The following TMPRSS11A variants were observed in gnomAD, a reference collection of about 807,000 sequenced individuals.
The protein encoded by TMPRSS11A is transmembrane serine protease 11A, also known as transmembrane protease serine 11A.
TMPRSS11A carries 53 observed loss-of-function variants against 58.9 expected under a neutral mutation model. The observed-to-expected ratio is 0.90, with a 90% CI of 0.72 to 1.13. The LOEUF is 1.13. Among genes scored for constraint, TMPRSS11A ranks in the 50% most tolerant of loss-of-function variants. TMPRSS11A has a pLI of 0.00. For missense variants in TMPRSS11A, 493 were observed against 499.3 expected (o/e 0.99, Z 0.12); for synonymous variants, 167 against 169.8 (o/e 0.98, Z 0.13).
intron 1 of TMPRSS11A, among the ~76,000 whole-genome samples, chr4:67,959,948 T>C (rs1380247397): frequency 1.3e-5 from 2 of 152,200 alleles, no homozygotes; most frequent in African/African-American, 4.8e-5. Flanking sequence ...TTCAGTTTTT[T>C]AAAATGTGTT....
In TMPRSS11A at chr4:67,914,699, T is replaced by C; in HGVS notation, c.984A>G (p.Arg328=). ...GESQNDLREA[R]VKIISDDVCK... is the part of the protein sequence containing the mutation. ...AGACATCATCACTTATGATTTTCAC[T>C]CTGGCTTCTCGGAGATCATTTTGGG... Residue 328 remains arginine (R), a synonymous_variant, in exon 9 of 10, where the codon AGA becomes AGG. Transcript: ENST00000508048. 6.2e-7 allele frequency: 1 copy of C among 1,613,088 alleles called. No individual in the cohort carries two copies. The highest frequency in any genetic ancestry group is 1.1e-5 in the South Asian group (1 of 90,868).
chr4:67,931,928 T>G (rs764156917), intron 4 of TMPRSS11A, 65 bp downstream of exon 4: 22 of 947,488 alleles, frequency 2.3e-5, no homozygotes, highest in Non-Finnish European at 3.8e-5. Context: ...TACATGAGAG[T>G]CCCTGTCTCC....
chr4:67,941,990 A>G (rs1289793790), intron 3 of TMPRSS11A, among the ~76,000 whole-genome samples: 1 of 152,246 alleles, frequency 6.6e-6, no homozygotes, highest in Non-Finnish European at 1.5e-5. Context: ...CAATATCCAG[A>G]AAATGTAAAG....
intron 9 of TMPRSS11A, 62 bp downstream of exon 9, chr4:67,914,526 A>T: frequency 6.7e-7 from 1 of 1,488,396 alleles, no homozygotes; most frequent in Non-Finnish European, 9.3e-7. Context: ...AGAACATATA[A>T]TATATTCTGA....
Position 67,946,551 on chromosome 4 carries a change from C to T in TMPRSS11A, c.32G>A (p.Arg11Gln), listed in dbSNP as rs1037515820. 4.0e-5 allele frequency: 64 copies of T among 1,610,990 alleles called. No individual in the cohort carries two copies. Among genetic ancestry groups the T allele is most frequent in the Non-Finnish European group, 5.0e-5 (59 of 1,178,650 alleles). The change falls in exon 2 of 10, where the codon CGA (arginine) becomes CAA (glutamine). Residue 11 changes from arginine (R) to glutamine (Q), a missense_variant. By Grantham distance (43) the Arg-to-Gln change is conservative. Coordinates refer to ENST00000508048, the MANE Select transcript of TMPRSS11A (RefSeq NM_001114387.2). ...CATCCATGGCTTCAGATTTCTGCTT[C>T]GGGTGCCAAATCCCACTGTCCTGAG... MMYRTVGFGT[R>Q]SRNLKPWMIA...
At chr4:67,931,496 A>G (rs1035327060) in intron 4 of TMPRSS11A, among the ~76,000 whole-genome samples, 7 of 152,328 alleles carry the variant, frequency 4.6e-5, no homozygotes, top group African/African-American at 1.4e-4. Flanking sequence ...CCACCATGAC[A>G]GAAAGAAAAT....
chr4:67,957,933 C>A (rs1437277775), intron 1 of TMPRSS11A, among the ~76,000 whole-genome samples: 3 of 152,064 alleles, frequency 2.0e-5, no homozygotes, highest in African/African-American at 7.2e-5. Context: ...CTAAAAGAGG[C>A]CAAGCTACAG....
chr4:67,918,657 A>C (rs1049830681), intron 8 of TMPRSS11A, among the ~76,000 whole-genome samples: 8 of 152,232 alleles, frequency 5.3e-5, no homozygotes, highest in African/African-American at 1.9e-4. Flanking sequence ...GACAATATAG[A>C]GAAAAGAAGG....
intron 1 of TMPRSS11A, among the ~76,000 whole-genome samples, chr4:67,948,948 G>A (rs997322187): frequency 6.6e-6 from 1 of 151,564 alleles, no homozygotes. Context: ...TGCCCCTCTC[G>A]ATTGATTTCG....
chr4:67,919,871 T>G (rs1421485223), intron 7 of TMPRSS11A, among the ~76,000 whole-genome samples: 1 of 152,028 alleles, frequency 6.6e-6, no homozygotes, highest in Non-Finnish European at 1.5e-5. Context: ...GGGGTGAGCT[T>G]GGAGAGGTAA....
chr4:67,943,297 TGC>T (rs1358597172), intron 3 of TMPRSS11A, among the ~76,000 whole-genome samples: 2 of 152,210 alleles, frequency 1.3e-5, no homozygotes, highest in Admixed American at 1.3e-4. Context: ...AAGACAGAAT[TGC>T]TTAGTTAACT....
intron 7 of TMPRSS11A, among the ~76,000 whole-genome samples, chr4:67,920,549 A>ATATTT (rs371252656): frequency 0.019 from 2,483 of 130,788 alleles, 48 homozygotes; most frequent in East Asian, 0.065. Context: ...ATATATATAT[A>ATATTT]TTTTTTTTTA....
In TMPRSS11A at chr4:67,961,483, C is replaced by CTTTTTTTTTTT. The variant is rs1553924063; in HGVS notation, c.11+1889_11+1899dup. On this transcript the variant is annotated intron_variant, in intron 1 of 9. Coordinates refer to ENST00000508048, the MANE Select transcript of TMPRSS11A (RefSeq NM_001114387.2). ...TTTTCTTTCCTTTCCTTTTCTTTTC[C>CTTTTTTTTTTT]TTTTTTTTTTTTTTTTTTTTTTTTT... Among the ~76,000 whole-genome samples the CTTTTTTTTTTT allele has an allele frequency of 2.8e-4, 2 of 7,162 alleles. 1 individual carries two copies. The allele number at this position is 7,162 out of a possible 152,430, so 4.7% of individuals were successfully genotyped here.
chr4:67,934,773 T>G (rs1296069067), intron 3 of TMPRSS11A, among the ~76,000 whole-genome samples: 1 of 152,154 alleles, frequency 6.6e-6, no homozygotes, highest in East Asian at 1.9e-4. Context: ...CCATTCAGCT[T>G]TCATTCCTGA....
Position 67,922,758 on chromosome 4 carries a change from T to C in TMPRSS11A, c.689A>G (p.Gln230Arg), listed in dbSNP as rs773977296. Residue 230 changes from glutamine (Q) to arginine (R), a missense_variant, in exon 7 of 10, where the codon CAG (glutamine) becomes CGG (arginine). Coordinates refer to ENST00000508048, the MANE Select transcript of TMPRSS11A (RefSeq NM_001114387.2). Reference sequence around the variant, plus strand: ...TAACTTAAGGTCAATAACTTACTTCTGGAAGCAGTGTGCTGCAGTGACAAG... The same window carrying C: ...TAACTTAAGGTCAATAACTTACTTCCGGAAGCAGTGTGCTGCAGTGACAAG... ...TWLVTAAHCF[Q>R]KYKNPHQWTV... 6.2e-7 allele frequency: 1 copy of C among 1,613,612 alleles called. No homozygotes were observed. The highest frequency in any genetic ancestry group is 1.7e-5 in the Admixed American group (1 of 60,002).
intron 1 of TMPRSS11A, among the ~76,000 whole-genome samples, chr4:67,948,459 T>TA (rs1721082115): frequency 6.6e-6 from 1 of 152,180 alleles, no homozygotes; most frequent in Non-Finnish European, 1.5e-5. Context: ...CACCCGGTCT[T>TA]ACAAAAGTTT....
In TMPRSS11A at chr4:67,909,717, G is replaced by T. The variant is rs1460706347; in HGVS notation, c.*1625C>A. On this transcript the variant is annotated 3_prime_UTR_variant, in exon 10 of 10. Coordinates refer to ENST00000508048, the MANE Select transcript of TMPRSS11A (RefSeq NM_001114387.2). The stretch of plus-strand genomic sequence containing the variant: ...TTTCTATCTTAATACAGGTTCAATA[G>T]CTCTCACTTAAAATTTTACAGATCT... The T allele has an allele frequency of 3.9e-5, 6 of 152,096 alleles. No individual in the cohort carries two copies. In the East Asian group the frequency reaches 1.2e-3, roughly 29 times the overall value. The allele number at this position is 152,096 out of a possible 1,614,324, so 9.4% of individuals were successfully genotyped here. A position where few individuals can be genotyped will look rare whatever the true frequency, so the allele number is the denominator to read the frequency against.
intron 4 of TMPRSS11A, among the ~76,000 whole-genome samples, chr4:67,931,090 C>T (rs531029121): frequency 1.3e-5 from 2 of 151,902 alleles, no homozygotes; most frequent in South Asian, 4.2e-4. Flanking sequence ...AATAATGTTG[C>T]TACAATAATA....
chr4:67,932,940 C>T (rs554756994), intron 3 of TMPRSS11A, among the ~76,000 whole-genome samples: 1 of 152,078 alleles, frequency 6.6e-6, no homozygotes, highest in Non-Finnish European at 1.5e-5. Context: ...TCTCTCACAC[C>T]TGGCATTCGG....
Sources: gnomAD v4.1 joint callset for allele counts (sites outside exome capture counted in the v4.1 genomes callset) on GRCh38, gnomAD v4.1.1 for gene constraint, MANE v1.5 for transcripts, NCBI Gene and HGNC (gene_info 2026-07-23, HGNC 2026-07-21) for gene names.